Variants in ABLIM1 observed in about 807,000 individuals in gnomAD.
ABLIM1 encodes the protein actin-binding LIM protein 1.
Under a neutral mutation model 107.0 loss-of-function variants are expected in ABLIM1, and 40 were observed. That is an observed-to-expected ratio of 0.37 (90% confidence interval 0.29 to 0.49). ABLIM1 has a LOEUF of 0.49. Among genes scored for constraint, ABLIM1 ranks in the 20% least tolerant of loss-of-function variants. ABLIM1 has a pLI of 0.97. For synonymous variants in ABLIM1, 357 were observed against 357.3 expected (o/e 1.00, Z 0.01); for missense variants, 857 against 1,008.5 (o/e 0.85, Z 2.04).
In ABLIM1 at chr10:114,464,116, C is replaced by T. The variant is rs563813520; in HGVS notation, c.1441+1582G>A. ...ATGCCCCTATAACCCCACGCCGCTC[C>T]GGCAACTCCATGGCTGGGGTCTCAG... On this transcript the variant is annotated intron_variant, in intron 12 of 22. Coordinates refer to ENST00000533213, the MANE Select transcript of ABLIM1 (RefSeq NM_002313.7). 1.2e-4 allele frequency among the ~76,000 whole-genome samples: 19 copies of T among 152,136 alleles called. No homozygotes were observed. In the East Asian group the frequency reaches 1.5e-3, roughly 12 times the overall value.
At chr10:114,622,526 T>C (rs1345453440) in intron 1 of ABLIM1, among the ~76,000 whole-genome samples, 1 of 152,160 alleles carries the variant, frequency 6.6e-6, no homozygotes, top group African/African-American at 2.4e-5. Context: ...GTATTATAGG[T>C]ATAAGCCACT....
chr10:114,621,534 C>A (rs190719405), intron 1 of ABLIM1, among the ~76,000 whole-genome samples: 2 of 152,184 alleles, frequency 1.3e-5, no homozygotes, highest in Non-Finnish European at 2.9e-5. Context: ...CAAACACCAT[C>A]CCCAACATTA....
chr10:114,572,871 C>G (rs1047726998), intron 3 of ABLIM1, among the ~76,000 whole-genome samples: 1 of 152,190 alleles, frequency 6.6e-6, no homozygotes, highest in Non-Finnish European at 1.5e-5. Flanking sequence ...TTTAAAGAGG[C>G]ACTCGTGCTC....
intron 4 of ABLIM1, among the ~76,000 whole-genome samples, chr10:114,552,257 C>T (rs2068155335): frequency 6.6e-6 from 1 of 152,190 alleles, no homozygotes; most frequent in Admixed American, 6.5e-5. Flanking sequence ...CTCACTCCAA[C>T]TAAGCTCTTT....
intron 1 of ABLIM1, among the ~76,000 whole-genome samples, chr10:114,738,117 T>A (rs2082218775): frequency 6.6e-6 from 1 of 152,198 alleles, no homozygotes; most frequent in African/African-American, 2.4e-5. Context: ...GGCGCGATCT[T>A]GGCTCACAGC....
chr10:114,771,149 C>T (rs1375169259), upstream of ABLIM1, among the ~76,000 whole-genome samples: 4 of 151,830 alleles, frequency 2.6e-5, no homozygotes, highest in Non-Finnish European at 5.9e-5. Flanking sequence ...TAAGTAATAT[C>T]TAGTCTTTTT....
At chr10:114,624,303 C>A (rs11196811) in intron 1 of ABLIM1, among the ~76,000 whole-genome samples, 12,175 of 152,154 alleles carry the variant, frequency 0.08, 915 homozygotes, top group East Asian at 0.42. Flanking sequence ...CTTTCTTGAC[C>A]CCTAGGGCTG....
chr10:114,439,113 A>G (rs1219351873), intron 21 of ABLIM1, 63 bp downstream of exon 21: 6 of 1,573,742 alleles, frequency 3.8e-6, no homozygotes, highest in Non-Finnish European at 5.2e-6. Flanking sequence ...AAAAGATAGA[A>G]CATCAAATCT....
chr10:114,465,581 G>T, intron 12 of ABLIM1, 117 bp downstream of exon 12: 1 of 1,345,004 alleles, frequency 7.4e-7, no homozygotes, highest in Non-Finnish European at 1.0e-6. Flanking sequence ...ATTTTGCTCT[G>T]GGAGAGGGAT....
chr10:114,475,453 A>G (rs2056196584), intron 8 of ABLIM1, among the ~76,000 whole-genome samples: 1 of 152,050 alleles, frequency 6.6e-6, no homozygotes, highest in Admixed American at 6.6e-5. Context: ...TGTCTCCCTC[A>G]TTAACTTTAG....
intron 1 of ABLIM1, among the ~76,000 whole-genome samples, chr10:114,645,589 T>C (rs1109267): frequency 0.37 from 55,862 of 152,074 alleles, 11,873 homozygotes; most frequent in Non-Finnish European, 0.48. Flanking sequence ...AGATTCTAAA[T>C]AGAACAATGT....
At chr10:114,554,670 T>C (rs1471992824) in intron 4 of ABLIM1, among the ~76,000 whole-genome samples, 1 of 152,172 alleles carries the variant, frequency 6.6e-6, no homozygotes, top group Non-Finnish European at 1.5e-5. Context: ...CACTTCAGCC[T>C]GGGTGACAGA....
intron 1 of ABLIM1, among the ~76,000 whole-genome samples, chr10:114,644,164 C>T (rs1168884065): frequency 1.4e-5 from 2 of 147,990 alleles, no homozygotes; most frequent in East Asian, 2.0e-4. Context: ...ACCTGTAGTC[C>T]CAGCTACTCG....
intron 12 of ABLIM1, among the ~76,000 whole-genome samples, chr10:114,456,205 G>GT (rs1181195823): frequency 2.6e-5 from 4 of 152,134 alleles, no homozygotes; most frequent in African/African-American, 4.8e-5. Flanking sequence ...GGAAAAACTA[G>GT]TTTTTTTAAT....
At chr10:114,583,511 A>G (rs2483576) in intron 2 of ABLIM1, among the ~76,000 whole-genome samples, 3,075 of 127,828 alleles carry the variant, frequency 0.024, 231 homozygotes, top group African/African-American at 0.078. Context: ...ATATATATAT[A>G]CTGTTGGTGG....
chr10:114,558,694 T>G (rs1225051160), intron 4 of ABLIM1, among the ~76,000 whole-genome samples: 1 of 152,234 alleles, frequency 6.6e-6, no homozygotes, highest in African/African-American at 2.4e-5. Context: ...TAGTATCTGC[T>G]TAAAGACAGT....
intron 1 of ABLIM1, among the ~76,000 whole-genome samples, chr10:114,749,949 AGC>A: frequency 1.3e-5 from 2 of 152,186 alleles, no homozygotes; most frequent in Middle Eastern, 6.8e-3. Context: ...TTTTCTCCAT[AGC>A]ACCCATCACT....
At chr10:114,545,855 C>G (rs2067254541) in intron 5 of ABLIM1, among the ~76,000 whole-genome samples, 1 of 147,502 alleles carries the variant, frequency 6.8e-6, no homozygotes, top group South Asian at 2.1e-4. Context: ...TGCTTGAACC[C>G]AGGAGGTGGA....
At chr10:114,437,583 T>C (rs1357251470) in intron 22 of ABLIM1, among the ~76,000 whole-genome samples, 1 of 152,044 alleles carries the variant, frequency 6.6e-6, no homozygotes, top group Non-Finnish European at 1.5e-5. Flanking sequence ...CCTCCTAAAG[T>C]GTTGGGATTA....
Sources: allele counts gnomAD v4.1 joint callset (sites outside exome capture counted in the v4.1 genomes callset), GRCh38; gene constraint gnomAD v4.1.1; transcripts MANE v1.5; gene names NCBI Gene and HGNC (gene_info 2026-07-23, HGNC 2026-07-21).